SLC6A4: variants seen among roughly 807,000 people sequenced by gnomAD.
SLC6A4 encodes solute carrier family 6 member 4.
In SLC6A4, 22 loss-of-function variants were observed where a neutral mutation model predicts 73.4. That is an observed-to-expected ratio of 0.30 (90% CI 0.21 to 0.43). The LOEUF (loss-of-function observed/expected upper bound fraction) is 0.43. SLC6A4 is among the 20% of genes least tolerant of loss of function. The pLI is 1.00. For synonymous variants in SLC6A4, 270 were observed against 315.5 expected (o/e 0.86, Z 1.53); for missense variants, 593 against 808.5 (o/e 0.73, Z 3.23).
intron 13 of SLC6A4, among the ~76,000 whole-genome samples, 184 bp downstream of exon 13, chr17:30,207,548 C>A (rs1350520646): frequency 1.3e-5 from 2 of 152,160 alleles, no homozygotes; most frequent in Non-Finnish European, 2.9e-5. Context: ...TCACCACACC[C>A]GGCTAATTTT....
intron 1 of SLC6A4, among the ~76,000 whole-genome samples, chr17:30,229,048 G>A (rs1321879509): frequency 6.6e-6 from 1 of 152,170 alleles, no homozygotes; most frequent in Non-Finnish European, 1.5e-5. Context: ...ATGGGATCAG[G>A]GTTCTATTCT....
chr17:30,211,526 C>T lies in SLC6A4; in HGVS notation c.1205-102G>A. On this transcript the variant is annotated intron_variant, in intron 9 of 14. Coordinates refer to ENST00000650711, the MANE Select transcript of SLC6A4 (RefSeq NM_001045.6). The surrounding 1 kb of genome is among the most constrained non-coding windows in gnomAD (Gnocchi z 4.0). ...ACAACAACAGTTACAATTCTCATCACAAGACCTTATGTGTGAATCAGGTTT... is the reference window on the plus strand; with the variant it reads ...ACAACAACAGTTACAATTCTCATCATAAGACCTTATGTGTGAATCAGGTTT... 1 of 745,144 alleles carries T rather than the reference C, an allele frequency of 1.3e-6. No homozygotes were observed. The highest frequency in any genetic ancestry group is 2.4e-6 in the Non-Finnish European group (1 of 413,842). The allele number at this position is 745,144 out of a possible 1,614,324, so 46.2% of individuals were successfully genotyped here.
chr17:30,209,743 T>A (rs1250931619), intron 11 of SLC6A4, among the ~76,000 whole-genome samples: 1 of 152,062 alleles, frequency 6.6e-6, no homozygotes, highest in African/African-American at 2.4e-5. Flanking sequence ...CCTCTTCCCA[T>A]CCTATGTAGT....
rs750135831 is a variant in SLC6A4 at position 30,211,961 on chromosome 17, C to T, written c.1205-537G>A. Among the ~76,000 whole-genome samples, 10 of 152,122 alleles carry T rather than the reference C, an allele frequency of 6.6e-5. No individual in the cohort carries two copies. Among genetic ancestry groups the T allele is most frequent in the Admixed American group, 3.3e-4 (5 of 15,288 alleles). On this transcript the variant is annotated intron_variant, in intron 9 of 14. Transcript: ENST00000650711. This position sits in a 1 kb window ranked among gnomAD's most constrained non-coding sequence, Gnocchi z 4.0. ...CTCATGGGTTAGCTAGGGGTGCCCT[C>T]GTTTGGGGTATGGGGTTGGTCAAAG...
intron 1 of SLC6A4, among the ~76,000 whole-genome samples, chr17:30,228,918 G>A (rs1253104072): frequency 6.6e-6 from 1 of 152,216 alleles, no homozygotes; most frequent in African/African-American, 2.4e-5. Context: ...ACTGGAGCAC[G>A]CCCTGTACAG....
Position 30,211,307 on chromosome 17 carries a change from C to T in SLC6A4, c.1317+5G>A, listed in dbSNP as rs1906377524. 2.5e-6 allele frequency: 4 copies of T among 1,571,676 alleles called. No homozygotes were observed. Among genetic ancestry groups the T allele is most frequent in the Non-Finnish European group, 3.5e-6 (4 of 1,142,384 alleles). ...ACAGCCCATTTCCCCTTCCCATTTC[C>T]TCACCGTGCTGTCCAAGCCCAGCGT... On this transcript the variant is annotated splice_donor_5th_base_variant and intron_variant, in intron 10 of 14. Transcript: ENST00000650711. The surrounding 1 kb of genome is among the most constrained non-coding windows in gnomAD (Gnocchi z 4.0).
intron 1 of SLC6A4, among the ~76,000 whole-genome samples, chr17:30,226,082 A>G (rs1205855377): frequency 2.0e-5 from 3 of 152,222 alleles, no homozygotes; most frequent in Non-Finnish European, 4.4e-5. Context: ...CACTACAGAA[A>G]TGTTGAACTT....
chr17:30,203,126 A>G (rs1423732656), intron 14 of SLC6A4, 46 bp downstream of exon 14: 1 of 1,461,846 alleles, frequency 6.8e-7, no homozygotes, highest in Non-Finnish European at 9.5e-7. Flanking sequence ...CTCCCAAAAC[A>G]ATTAGTAGTC....
At chr17:30,230,295 C>A in intron 1 of SLC6A4, among the ~76,000 whole-genome samples, 1 of 152,168 alleles carries the variant, frequency 6.6e-6, no homozygotes, top group East Asian at 1.9e-4. Context: ...GGGAAAGAGA[C>A]TTGAGAAACT....
chr17:30,234,541 A>G (rs1214605839), intron 1 of SLC6A4, among the ~76,000 whole-genome samples: 1 of 152,176 alleles, frequency 6.6e-6, no homozygotes, highest in Non-Finnish European at 1.5e-5. Flanking sequence ...ACAAAGAGTC[A>G]AAGCTGTGTG....
intron 1 of SLC6A4, among the ~76,000 whole-genome samples, chr17:30,231,992 C>T (rs1285126084): frequency 6.6e-6 from 1 of 152,220 alleles, no homozygotes. Flanking sequence ...CAGCCATGCA[C>T]AGAGCTACGG....
chr17:30,221,552 C>T lies in SLC6A4; in HGVS notation c.343+64G>A. ...CCGGGTCACAGCCCACCCCGGGTCA[C>T]AGCCCACTCCGGGTCACAGCCCACC... On this transcript the variant is annotated intron_variant, in intron 3 of 14. Coordinates refer to ENST00000650711, the MANE Select transcript of SLC6A4 (RefSeq NM_001045.6). 4.1e-6 allele frequency: 6 copies of T among 1,462,582 alleles called. No individual in the cohort carries two copies. In the South Asian group the frequency reaches 6.2e-5, roughly 15 times the overall value. The allele number at this position is 1,462,582 out of a possible 1,614,324, so 90.6% of individuals were successfully genotyped here.
intron 11 of SLC6A4, among the ~76,000 whole-genome samples, chr17:30,209,827 C>G (rs1906328211): frequency 1.3e-5 from 2 of 152,058 alleles, no homozygotes; most frequent in Admixed American, 6.6e-5. Context: ...CTATTTTAAA[C>G]TTTCTTCAAC....
At chr17:30,216,453 C>A (rs1005898403) in intron 6 of SLC6A4, among the ~76,000 whole-genome samples, 2 of 152,194 alleles carry the variant, frequency 1.3e-5, no homozygotes, top group Admixed American at 1.3e-4. Context: ...TACCTCTGAG[C>A]CCACTATGCA....
intron 1 of SLC6A4, among the ~76,000 whole-genome samples, chr17:30,226,621 A>C (rs4514736): frequency 0.36 from 54,100 of 152,080 alleles, 12,216 homozygotes; most frequent in East Asian, 0.82. Context: ...AATTGCCTGA[A>C]CCCAGGAAGC....
intron 13 of SLC6A4, among the ~76,000 whole-genome samples, chr17:30,206,756 T>C (rs2143013817): frequency 7.2e-6 from 1 of 138,184 alleles, no homozygotes; most frequent in African/African-American, 2.6e-5. Flanking sequence ...TCTTGCTCTA[T>C]CGCCCAGGCT....
rs1906607482 is a variant in SLC6A4, at chr17:30,217,268, G to A, written c.735C>T (p.Leu245=). 4 of 1,614,180 alleles carry A rather than the reference G, an allele frequency of 2.5e-6. No homozygotes were observed. The highest frequency in any genetic ancestry group is 3.4e-6 in the Non-Finnish European group (4 of 1,180,014). ...HVLQIHRSKG[L]QDLGGISWQL... ...GCCAGCTGATGCCCCCCAGGTCCTGGAGCCCCTTAGACCGGTGGATCTGCA... is the reference window on the plus strand; with the variant it reads ...GCCAGCTGATGCCCCCCAGGTCCTGAAGCCCCTTAGACCGGTGGATCTGCA... The change falls in exon 6 of 15, where the codon CTC becomes CTT. Residue 245 remains leucine (L), a synonymous_variant. Coordinates refer to ENST00000650711, the MANE Select transcript of SLC6A4 (RefSeq NM_001045.6).
chr17:30,212,913 A>G, intron 8 of SLC6A4, 46 bp from the exon 9 acceptor site: 1 of 1,606,558 alleles, frequency 6.2e-7, no homozygotes, highest in Non-Finnish European at 8.5e-7. Context: ...TTCCAAGATC[A>G]GGGGTCTAAG....
intron 14 of SLC6A4, among the ~76,000 whole-genome samples, chr17:30,199,785 A>C (rs558993483): frequency 3.2e-4 from 48 of 152,346 alleles, no homozygotes; most frequent in Non-Finnish European, 4.1e-4. Flanking sequence ...CGAGTCACGG[A>C]AAGCAACTTG....
Sources: gnomAD v4.1 joint callset for allele counts (sites outside exome capture counted in the v4.1 genomes callset) on GRCh38, gnomAD v4.1.1 for gene constraint, Gnocchi (gnomAD v3.1) non-coding constraint, MANE v1.5 for transcripts, NCBI Gene and HGNC (gene_info 2026-07-23, HGNC 2026-07-21) for gene names.